Variants in PSMA1 observed in about 807,000 individuals in gnomAD.
The protein encoded by PSMA1 is proteasome 20S subunit alpha 1, also known as proteasome subunit alpha type-1.
A neutral mutation model predicts 38.4 loss-of-function variants in PSMA1; 3 were observed. The ratio of observed to expected loss-of-function variants is 0.08; its 90% CI spans 0.04 to 0.20. PSMA1 has a LOEUF of 0.20. PSMA1 is among the 10% of genes least tolerant of loss of function. The pLI, the probability that PSMA1 is intolerant of heterozygous loss-of-function variation, is 1.00. For missense variants in PSMA1, 227 were observed against 325.3 expected (o/e 0.70, Z 2.32); for synonymous variants, 101 against 107.1 (o/e 0.94, Z 0.35).
At chr11:14,572,938 A>G (rs867632232) in intron 2 of PSMA1, among the ~76,000 whole-genome samples, 1 of 152,222 alleles carries the variant, frequency 6.6e-6, no homozygotes, top group South Asian at 2.1e-4. Context: ...AATCCTGGAC[A>G]CATACACCCT....
intron 1 of PSMA1, among the ~76,000 whole-genome samples, chr11:14,638,535 CTCTCTCTCTCTA>C (rs1260266352): frequency 1.2e-4 from 3 of 25,642 alleles, no homozygotes; most frequent in African/African-American, 3.3e-4. Flanking sequence ...CTCTCTCTCT[CTCTCTCTCTCTA>C]TATATATATA....
At chr11:14,593,631 AGAGAGAG>A (rs1852448880) in intron 2 of PSMA1, among the ~76,000 whole-genome samples, 1 of 149,370 alleles carries the variant, frequency 6.7e-6, no homozygotes. Flanking sequence ...AGAGAGAGAG[AGAGAGAG>A]AGAGAGAGAG....
At chr11:14,543,111 G>T (rs1379022755) in intron 2 of PSMA1, among the ~76,000 whole-genome samples, 2 of 152,172 alleles carry the variant, frequency 1.3e-5, no homozygotes, top group African/African-American at 2.4e-5. Context: ...GATTACAAGC[G>T]TGAGCCACTG....
In PSMA1 at chr11:14,617,813, A is replaced by G. The variant is rs568676783; in HGVS notation, c.-165-6662T>C. Among the ~76,000 whole-genome samples the G allele has an allele frequency of 3.9e-5, 6 of 152,172 alleles. No individual in the cohort carries two copies. In the East Asian group the frequency reaches 1.2e-3, roughly 29 times the overall value. ...TGGCTTTACTGAAACTGGAATCAGG[A>G]GAGGTGTAAGGAACAACACAGCCTG... On this transcript the variant is annotated intron_variant, in intron 1 of 10. Coordinates refer to the PSMA1 transcript ENST00000418988.
chr11:14,562,599 C>A (rs1158820836), intron 2 of PSMA1, among the ~76,000 whole-genome samples: 1 of 151,510 alleles, frequency 6.6e-6, no homozygotes, highest in Non-Finnish European at 1.5e-5. Flanking sequence ...TTTTTTCCTT[C>A]GTGAATAAAT....
intron 2 of PSMA1, among the ~76,000 whole-genome samples, chr11:14,532,632 T>G (rs1219840509): frequency 1.6e-5 from 2 of 125,912 alleles, no homozygotes; most frequent in Non-Finnish European, 3.3e-5. Context: ...GGGATATACA[T>G]TGAAGATTTT....
chr11:14,591,899 T>G (rs989689640), intron 2 of PSMA1, among the ~76,000 whole-genome samples: 3 of 152,256 alleles, frequency 2.0e-5, no homozygotes, highest in African/African-American at 7.2e-5. Flanking sequence ...TTTGTTCTTT[T>G]GGTCTTTGCA....
intron 2 of PSMA1, among the ~76,000 whole-genome samples, chr11:14,579,576 C>T (rs544476746): frequency 3.4e-5 from 5 of 147,856 alleles, no homozygotes; most frequent in South Asian, 2.1e-4. Context: ...GGCCAACTTT[C>T]GACCAACTAT....
intron 1 of PSMA1, among the ~76,000 whole-genome samples, chr11:14,626,195 T>G (rs1307832244): frequency 6.6e-6 from 1 of 151,976 alleles, no homozygotes; most frequent in South Asian, 2.1e-4. Context: ...TTTTGTACAG[T>G]CTGGCAGTCT....
At chr11:14,613,704 G>A (rs1852736388) in intron 1 of PSMA1, among the ~76,000 whole-genome samples, 1 of 152,090 alleles carries the variant, frequency 6.6e-6, no homozygotes, top group Admixed American at 6.5e-5. Flanking sequence ...CTATACCTGT[G>A]CTCATTTTAT....
At chr11:14,506,340 C>T (rs1851244797) in intron 9 of PSMA1, among the ~76,000 whole-genome samples, 2 of 152,092 alleles carry the variant, frequency 1.3e-5, no homozygotes, top group Non-Finnish European at 2.9e-5. Context: ...ATTCTTTTCC[C>T]CTTTGCCAAA....
intron 1 of PSMA1, among the ~76,000 whole-genome samples, chr11:14,623,811 G>A (rs1218250126): frequency 6.6e-6 from 1 of 152,178 alleles, no homozygotes; most frequent in African/African-American, 2.4e-5. Context: ...AGCTTCTGCT[G>A]CTTCTGAATG....
intron 1 of PSMA1, among the ~76,000 whole-genome samples, chr11:14,629,671 G>A (rs1250408364): frequency 6.6e-6 from 1 of 152,174 alleles, no homozygotes; most frequent in Non-Finnish European, 1.5e-5. Context: ...GGTTCCGTAT[G>A]AACTTTAAAG....
At chr11:14,536,335 T>G (rs567338015) in intron 2 of PSMA1, among the ~76,000 whole-genome samples, 38 of 152,162 alleles carry the variant, frequency 2.5e-4, no homozygotes, top group African/African-American at 8.7e-4. Flanking sequence ...GAAACCAGCC[T>G]GACCAACATG....
chr11:14,559,443 G>A (rs192071545), intron 2 of PSMA1, among the ~76,000 whole-genome samples: 10 of 152,282 alleles, frequency 6.6e-5, no homozygotes, highest in Admixed American at 2.6e-4. Context: ...CTCAGCATCC[G>A]GAACTTAGTT....
chr11:14,515,043 C>G (rs1241028699), intron 4 of PSMA1, among the ~76,000 whole-genome samples: 1 of 152,164 alleles, frequency 6.6e-6, no homozygotes, highest in African/African-American at 2.4e-5. Flanking sequence ...GAAATTCAAG[C>G]AAGGTTAACA....
intron 2 of PSMA1, among the ~76,000 whole-genome samples, chr11:14,561,711 GC>G (rs1267221762): frequency 6.6e-6 from 1 of 152,104 alleles, no homozygotes; most frequent in Non-Finnish European, 1.5e-5. Flanking sequence ...ATGTAGCCAT[GC>G]CCTGCGCTGT....
At chr11:14,538,263 GT>G (rs1851733319) in intron 2 of PSMA1, among the ~76,000 whole-genome samples, 1 of 152,134 alleles carries the variant, frequency 6.6e-6, no homozygotes, top group South Asian at 2.1e-4. Flanking sequence ...AAGAATACGT[GT>G]AGTGGATGTT....
At chr11:14,627,946 A>G (rs2133715896) in intron 1 of PSMA1, among the ~76,000 whole-genome samples, 1 of 152,004 alleles carries the variant, frequency 6.6e-6, no homozygotes, top group Admixed American at 6.5e-5. Flanking sequence ...GGGATCCTCA[A>G]CCCCCACACT....
Sources: allele counts gnomAD v4.1 joint callset (sites outside exome capture counted in the v4.1 genomes callset), GRCh38; gene constraint gnomAD v4.1.1; transcripts MANE v1.5; gene names NCBI Gene and HGNC (gene_info 2026-07-23, HGNC 2026-07-21).